The following CNTLN variants were observed in gnomAD, a reference collection of about 807,000 sequenced individuals.
CNTLN encodes centlein.
A neutral mutation model predicts 180.0 loss-of-function variants in CNTLN; 212 were observed. That is an observed-to-expected ratio of 1.18 (90% CI 1.05 to 1.32). CNTLN has a LOEUF of 1.32. Ranked by LOEUF, CNTLN falls within the 40% of genes most tolerant of loss-of-function variation. The pLI is 0.00. For synonymous variants in CNTLN, 722 were observed against 563.1 expected (o/e 1.28, Z -3.99); for missense variants, 2,095 against 1,610.9 (o/e 1.30, Z -5.14).
chr9:17,273,005 T>C (rs1404688965), intron 5 of CNTLN, among the ~76,000 whole-genome samples: 1 of 152,094 alleles, frequency 6.6e-6, no homozygotes, highest in African/African-American at 2.4e-5. Flanking sequence ...TACAGATAAT[T>C]AGGAATTTCT....
chr9:17,249,137 T>C (rs10962942), intron 5 of CNTLN, among the ~76,000 whole-genome samples: 31,232 of 151,948 alleles, frequency 0.21, 4,088 homozygotes, highest in African/African-American at 0.37. Context: ...TCTGGGTTCT[T>C]AAGTTACTAG....
At chr9:17,203,303 G>A (rs1822681010) in intron 2 of CNTLN, among the ~76,000 whole-genome samples, 1 of 151,964 alleles carries the variant, frequency 6.6e-6, no homozygotes, top group Non-Finnish European at 1.5e-5. Flanking sequence ...AGAATCTGAC[G>A]GTTATGTGTC....
chr9:17,501,341 C>T (rs549386000), intron 25 of CNTLN, among the ~76,000 whole-genome samples: 7 of 152,208 alleles, frequency 4.6e-5, no homozygotes, highest in African/African-American at 1.7e-4. Flanking sequence ...CTCTTTGGGT[C>T]TGAGGCAGTT....
At chr9:17,195,552 A>G (rs966248943) in intron 2 of CNTLN, among the ~76,000 whole-genome samples, 6 of 152,152 alleles carry the variant, frequency 3.9e-5, no homozygotes, top group South Asian at 2.1e-4. Flanking sequence ...GTTTATGTAG[A>G]TTATAGTACT....
At chr9:17,263,968 G>C (rs202233734) in intron 5 of CNTLN, among the ~76,000 whole-genome samples, 1 of 140,516 alleles carries the variant, frequency 7.1e-6, no homozygotes, top group African/African-American at 2.8e-5. Context: ...AGTAGGTTGC[G>C]AAAATTTTCT....
chr9:17,286,494 T>C (rs1015635639), intron 6 of CNTLN, among the ~76,000 whole-genome samples: 9 of 127,482 alleles, frequency 7.1e-5, no homozygotes, highest in Non-Finnish European at 1.1e-4. Flanking sequence ...TGCGGGCTCT[T>C]TTTTGGTTCC....
chr9:17,213,551 T>C (rs1029227535), intron 2 of CNTLN, among the ~76,000 whole-genome samples: 2 of 152,102 alleles, frequency 1.3e-5, no homozygotes, highest in Non-Finnish European at 2.9e-5. Context: ...GGGTGAAGAG[T>C]TCTGTAGATG....
chr9:17,305,248 A>G (rs1818628501), intron 7 of CNTLN, among the ~76,000 whole-genome samples: 1 of 152,174 alleles, frequency 6.6e-6, no homozygotes, highest in Non-Finnish European at 1.5e-5. Context: ...AATAGTAAGG[A>G]TAGTATATTG....
intron 8 of CNTLN, among the ~76,000 whole-genome samples, chr9:17,321,463 T>C (rs1034820755): frequency 1.3e-5 from 2 of 152,158 alleles, no homozygotes; most frequent in Non-Finnish European, 2.9e-5. Flanking sequence ...CAGTCTTAAG[T>C]TCAATAAATG....
chr9:17,465,115 G>GT (rs892457786), intron 21 of CNTLN, among the ~76,000 whole-genome samples: 2 of 146,824 alleles, frequency 1.4e-5, no homozygotes, highest in African/African-American at 2.5e-5. Context: ...AAGTAGAAGG[G>GT]TTTTTTTTGT....
chr9:17,362,847 T>A (rs868277983), intron 12 of CNTLN, among the ~76,000 whole-genome samples: 1 of 152,152 alleles, frequency 6.6e-6, no homozygotes, highest in Admixed American at 6.6e-5. Flanking sequence ...CATCAACCCA[T>A]CATCTACATT....
chr9:17,301,878 C>A (rs1375908493), intron 7 of CNTLN: 2 of 951,730 alleles, frequency 2.1e-6, no homozygotes, highest in African/African-American at 1.8e-5. Flanking sequence ...TGCATCTTAA[C>A]ATATTTGTTA....
chr9:17,365,400 CT>C (rs1823732405), intron 12 of CNTLN, among the ~76,000 whole-genome samples: 1 of 152,070 alleles, frequency 6.6e-6, no homozygotes, highest in African/African-American at 2.4e-5. Context: ...AACCTCTTTT[CT>C]TTATAAATTA....
intron 2 of CNTLN, among the ~76,000 whole-genome samples, chr9:17,166,622 G>A (rs1820087428): frequency 6.6e-6 from 1 of 152,120 alleles, no homozygotes; most frequent in African/African-American, 2.4e-5. Flanking sequence ...CATACATAGA[G>A]TTAATAATTA....
chr9:17,203,902 G>C (rs931020010), intron 2 of CNTLN, among the ~76,000 whole-genome samples: 1 of 152,016 alleles, frequency 6.6e-6, no homozygotes, highest in African/African-American at 2.4e-5. Context: ...ACTTTCTTTC[G>C]GTAAGGTGAT....
At chr9:17,438,755 G>T (rs899141206) in intron 18 of CNTLN, among the ~76,000 whole-genome samples, 1 of 152,174 alleles carries the variant, frequency 6.6e-6, no homozygotes, top group African/African-American at 2.4e-5. Flanking sequence ...AAATTTTGCA[G>T]CCATGAGTAT....
At chr9:17,477,052 A>G (rs939530602) in intron 23 of CNTLN, among the ~76,000 whole-genome samples, 3 of 152,204 alleles carry the variant, frequency 2.0e-5, no homozygotes, top group African/African-American at 7.2e-5. Context: ...CAAAAATCCT[A>G]GGACCCTTAA....
In CNTLN at chr9:17,396,523, A is replaced by G. The variant is rs544250290; in HGVS notation, c.2615+1454A>G. On this transcript the variant is annotated intron_variant, in intron 15 of 25. Coordinates refer to ENST00000380647, the MANE Select transcript of CNTLN (RefSeq NM_017738.4). ...TGTCCTTGATTTTCCCTAGTTTTTTATTTTGTTTTGTTTTTAAATCCCTAA... is the reference window on the plus strand; with the variant it reads ...TGTCCTTGATTTTCCCTAGTTTTTTGTTTTGTTTTGTTTTTAAATCCCTAA... Among the ~76,000 whole-genome samples the G allele has an allele frequency of 6.8e-4, 104 of 152,110 alleles. 2 individuals carry two copies. The highest frequency in any genetic ancestry group is 3.1e-3 in the Admixed American group (48 of 15,294).
At chr9:17,192,115 A>G (rs1196836913) in intron 2 of CNTLN, among the ~76,000 whole-genome samples, 1 of 152,202 alleles carries the variant, frequency 6.6e-6, no homozygotes, top group Non-Finnish European at 1.5e-5. Flanking sequence ...TCATAGTTTA[A>G]CAAGCATAAT....
Sources: gnomAD v4.1 joint callset for allele counts (sites outside exome capture counted in the v4.1 genomes callset) on GRCh38, gnomAD v4.1.1 for gene constraint, MANE v1.5 for transcripts, NCBI Gene and HGNC (gene_info 2026-07-23, HGNC 2026-07-21) for gene names.